Variants in RSPH14 observed in about 807,000 individuals in gnomAD.
RSPH14 encodes the protein radial spoke head 14 homolog, also known as rhabdoid tumor deletion region gene 1.
A neutral mutation model predicts 26.7 loss-of-function variants in RSPH14; 20 were observed. The ratio of observed to expected loss-of-function variants is 0.75; its 90% CI spans 0.53 to 1.09. RSPH14 has a LOEUF of 1.09. RSPH14 is among the 50% of genes least tolerant of loss of function. RSPH14 has a pLI of 0.00. For missense variants in RSPH14, 449 were observed against 457.2 expected (o/e 0.98, Z 0.16); for synonymous variants, 177 against 189.3 (o/e 0.93, Z 0.53).
chr22:23,153,001 C>T, the RSPH14 span: 3 of 1,483,510 alleles, frequency 2.0e-6, no homozygotes, highest in Non-Finnish European at 2.8e-6. Context: ...TCTGTGAGTA[C>T]ACCCCTGTGA....
At chr22:23,098,334 G>A (rs976222891) in intron 4 of RSPH14, among the ~76,000 whole-genome samples, 5 of 152,224 alleles carry the variant, frequency 3.3e-5, no homozygotes, top group African/African-American at 7.2e-5. Context: ...GACCTAGCCC[G>A]GCACCTGCTT....
the RSPH14 span, among the ~76,000 whole-genome samples, chr22:23,179,174 G>T: frequency 6.6e-6 from 1 of 152,312 alleles, no homozygotes; most frequent in East Asian, 1.9e-4. Context: ...TCCAGATGAC[G>T]CTGGCATTGG....
chr22:23,163,650 C>G, the RSPH14 span: 1 of 149,380 alleles, frequency 6.7e-6, no homozygotes, highest in African/African-American at 2.4e-5. Flanking sequence ...GTGTCTCCAG[C>G]AGAAGAGATG....
chr22:23,084,705 C>G (rs1174321564), intron 4 of RSPH14, among the ~76,000 whole-genome samples: 1 of 152,210 alleles, frequency 6.6e-6, no homozygotes, highest in Non-Finnish European at 1.5e-5. Context: ...AGCTGCAGCC[C>G]CGCCCTTCAC....
At position 23,071,064 on chromosome 22, in the gene RSPH14, G is replaced by A. The variant is rs2068357901; in HGVS notation, c.422-6931C>T. On this transcript the variant is annotated intron_variant, in intron 4 of 6. Transcript: ENST00000216036. This position sits in a 1 kb window ranked among gnomAD's most constrained non-coding sequence, Gnocchi z 4.1. ...CCAGAGGCCTGGGCCCGAGGACCTGGGCCCGCAGACGGACAGCTAGCAGTT... is the reference window on the plus strand; with the variant it reads ...CCAGAGGCCTGGGCCCGAGGACCTGAGCCCGCAGACGGACAGCTAGCAGTT... Among the ~76,000 whole-genome samples, 2 of 152,218 alleles carry A rather than the reference G, an allele frequency of 1.3e-5. No individual in the cohort carries two copies. The highest frequency in any genetic ancestry group is 1.3e-4 in the Admixed American group (2 of 15,288).
chr22:23,133,627 T>C lies in RSPH14; in HGVS notation c.421+399A>G, dbSNP rs1205638248. On this transcript the variant is annotated intron_variant, in intron 4 of 6. Transcript: ENST00000216036. ...TGTCTTAAGACAGAGTCTCGCACTG[T>C]CGCCCGGGCTAGAGTGCAGTGGTGC... Among the ~76,000 whole-genome samples the C allele has an allele frequency of 2.6e-5, 4 of 152,196 alleles. No homozygotes were observed. In the East Asian group the frequency reaches 7.7e-4, roughly 29 times the overall value.
chr22:23,156,126 C>T, the RSPH14 span: 1 of 854,766 alleles, frequency 1.2e-6, no homozygotes, highest in East Asian at 4.1e-5. Flanking sequence ...TGCACAGGCA[C>T]CAGTTTTTTG....
intron 4 of RSPH14, among the ~76,000 whole-genome samples, chr22:23,130,510 A>AAGAAAGAAAGAAAG (rs1478057266): frequency 6.6e-6 from 1 of 150,952 alleles, no homozygotes; most frequent in African/African-American, 2.4e-5. Context: ...GAAAGAAAGA[A>AAGAAAGAAAGAAAG]AGAAAGAAAG....
At chr22:23,068,389 T>C (rs2068259664) in intron 4 of RSPH14, among the ~76,000 whole-genome samples, 1 of 152,256 alleles carries the variant, frequency 6.6e-6, no homozygotes, top group Non-Finnish European at 1.5e-5. Flanking sequence ...TTTCTGCCCC[T>C]GCCCTACAGG....
At chr22:23,166,147 T>TAAAAAAAAAAAAAA in the RSPH14 span, among the ~76,000 whole-genome samples, 12 of 59,886 alleles carry the variant, frequency 2.0e-4, no homozygotes, top group African/African-American at 8.5e-4. Context: ...CTCTGTCTTT[T>TAAAAAAAAAAAAAA]AAAAAAAAAA....
chr22:23,070,542 C>T (rs1163834211), intron 4 of RSPH14: 1 of 151,318 alleles, frequency 6.6e-6, no homozygotes. Flanking sequence ...CGGAGCAGCT[C>T]GGCAGATGCT....
At chr22:23,149,004 G>A (rs1007797580), upstream of RSPH14, among the ~76,000 whole-genome samples, 6 of 152,184 alleles carry the variant, frequency 3.9e-5, no homozygotes, top group Non-Finnish European at 5.9e-5. Context: ...ACTGGAGCTC[G>A]ATAAGTTTCT....
intron 4 of RSPH14, among the ~76,000 whole-genome samples, chr22:23,069,798 C>G (rs2068293457): frequency 1.3e-5 from 2 of 152,098 alleles, no homozygotes; most frequent in South Asian, 4.1e-4. Flanking sequence ...TTTGCATAGG[C>G]CTTTCACACG....
the RSPH14 span, among the ~76,000 whole-genome samples, chr22:23,169,359 TC>T: frequency 6.6e-6 from 1 of 152,238 alleles, no homozygotes; most frequent in South Asian, 2.1e-4. Flanking sequence ...TGGATGGTGG[TC>T]ACATGGCCAC....
chr22:23,099,230 C>T (rs553167034), intron 4 of RSPH14, among the ~76,000 whole-genome samples: 1 of 152,380 alleles, frequency 6.6e-6, no homozygotes, highest in Non-Finnish European at 1.5e-5. Flanking sequence ...GTGAGGGCTG[C>T]AGTGAGTGCA....
At position 23,141,883 on chromosome 22, in the gene RSPH14, A is replaced by C. The variant is rs554022395; in HGVS notation, c.-53+66T>G. ...GAGTGTGGGGACACGGCCCCGTGTG[A>C]ATGGGACTGGGTGGGTCACTGGGCC... is the stretch of plus-strand genomic sequence containing the variant. On this transcript the variant is annotated intron_variant, in intron 1 of 6. Transcript: ENST00000216036. 10 of 676,740 alleles carry C rather than the reference A, an allele frequency of 1.5e-5. No individual in the cohort carries two copies. The African/African-American group carries it at 1.6e-4, about 11-fold the overall frequency. 41.9% of individuals were successfully genotyped at this position (676,740 alleles called of 1,614,324 possible).
intron 4 of RSPH14, among the ~76,000 whole-genome samples, chr22:23,085,574 G>T (rs920330734): frequency 6.6e-6 from 1 of 152,198 alleles, no homozygotes; most frequent in African/African-American, 2.4e-5. Flanking sequence ...GGGAGAGGGT[G>T]ACCCACTTTG....
chr22:23,155,775 G>C, the RSPH14 span, among the ~76,000 whole-genome samples: 1 of 152,162 alleles, frequency 6.6e-6, no homozygotes, highest in Non-Finnish European at 1.5e-5. Flanking sequence ...GAAGTCCACT[G>C]GGGGCACCCT....
At chr22:23,141,049 G>A (rs2070590160) in intron 1 of RSPH14, among the ~76,000 whole-genome samples, 1 of 152,164 alleles carries the variant, frequency 6.6e-6, no homozygotes, top group Admixed American at 6.5e-5. Flanking sequence ...GTGATTTATG[G>A]CCACGCGCAG....
Sources: allele counts gnomAD v4.1 joint callset (sites outside exome capture counted in the v4.1 genomes callset), GRCh38; gene constraint gnomAD v4.1.1; non-coding constraint Gnocchi (gnomAD v3.1); transcripts MANE v1.5; gene names NCBI Gene and HGNC (gene_info 2026-07-23, HGNC 2026-07-21).